NR3C1: variants seen among roughly 807,000 people sequenced by gnomAD.
The protein encoded by NR3C1 is nuclear receptor subfamily 3 group C member 1, also known as glucocorticoid receptor.
In NR3C1, 14 loss-of-function variants were observed where a neutral mutation model predicts 74.0. The observed-to-expected ratio is 0.19, with a 90% CI of 0.12 to 0.30. NR3C1 has a LOEUF of 0.30. Among genes scored for constraint, NR3C1 ranks in the 10% least tolerant of loss-of-function variants. The pLI, the probability that NR3C1 is intolerant of heterozygous loss-of-function variation, is 1.00. For synonymous variants in NR3C1, 308 were observed against 332.5 expected, an observed-to-expected ratio of 0.93 and a Z score of 0.80; for missense variants, 695 against 909.8, an observed-to-expected ratio of 0.76 and a Z score of 3.04.
At chr5:143,292,445 T>C (rs1816147388) in intron 7 of NR3C1, among the ~76,000 whole-genome samples, 1 of 152,100 alleles carries the variant, frequency 6.6e-6, no homozygotes, top group African/African-American at 2.4e-5. Context: ...TATTTGCCTT[T>C]CCCCCAGGTC....
intron 1 of NR3C1, among the ~76,000 whole-genome samples, chr5:143,426,775 G>A (rs922548043): frequency 6.6e-6 from 1 of 152,228 alleles, no homozygotes; most frequent in Non-Finnish European, 1.5e-5. Flanking sequence ...TTTGAAATAT[G>A]TACGAATTCT....
At chr5:143,401,453 T>G (rs1179659649) in intron 1 of NR3C1, 2 of 156,660 alleles carry the variant, frequency 1.3e-5, no homozygotes, top group African/African-American at 2.4e-5. Context: ...GCTGATCTGC[T>G]TATCTTCCGA....
intron 7 of NR3C1, among the ~76,000 whole-genome samples, chr5:143,285,672 CATCATGATTAAATAAGGT>C (rs1036397279): frequency 1.3e-5 from 2 of 151,974 alleles, no homozygotes; most frequent in Admixed American, 1.3e-4. Flanking sequence ...TTAAATAAGG[CATCATGATTAAATAAGGT>C]ATCATAAAAT....
chr5:143,351,661 A>C (rs1830247441), intron 2 of NR3C1, among the ~76,000 whole-genome samples: 1 of 152,182 alleles, frequency 6.6e-6, no homozygotes, highest in African/African-American at 2.4e-5. Context: ...TTTGATCAAT[A>C]TTAATCTGTT....
At chr5:143,296,179 T>A (rs1817138250) in intron 6 of NR3C1, among the ~76,000 whole-genome samples, 1 of 152,190 alleles carries the variant, frequency 6.6e-6, no homozygotes. Context: ...ATTACATACC[T>A]ATGATTTTCA....
rs1812964209 is a variant in NR3C1, at chr5:143,280,746, A to AT, written c.*1142dup. On this transcript the variant is annotated 3_prime_UTR_variant, in exon 9 of 9. Transcript: ENST00000394464. ...GGAATGTGAAAATGGGTGTCTAGCC[A>AT]TTTTTGCCATATTAGAGATTTAGTT... 2.0e-5 allele frequency: 3 copies of AT among 152,476 alleles called. 1 individual carries two copies. The South Asian group carries it at 6.2e-4, about 32-fold the overall frequency. The allele number at this position is 152,476 out of a possible 1,614,324, so 9.4% of individuals were successfully genotyped here. A position where few individuals can be genotyped will look rare whatever the true frequency, so the allele number is the denominator to read the frequency against.
At chr5:143,370,205 A>T (rs1443172930) in intron 2 of NR3C1, among the ~76,000 whole-genome samples, 1 of 152,180 alleles carries the variant, frequency 6.6e-6, no homozygotes, top group East Asian at 1.9e-4. Context: ...AAGATTCTCA[A>T]GTAGCTCAGA....
chr5:143,302,489 C>G (rs1818701582), intron 4 of NR3C1, among the ~76,000 whole-genome samples: 1 of 151,988 alleles, frequency 6.6e-6, no homozygotes, highest in Admixed American at 6.6e-5. Context: ...AATCAATACA[C>G]TGAAACAGTA....
chr5:143,343,291 G>A (rs1369217695), intron 2 of NR3C1, among the ~76,000 whole-genome samples: 2 of 152,184 alleles, frequency 1.3e-5, no homozygotes, highest in African/African-American at 4.8e-5. Context: ...CAGCTTCCCT[G>A]GGTTTCGGCT....
chr5:143,423,677 C>T (rs1418991106), intron 1 of NR3C1, among the ~76,000 whole-genome samples: 1 of 152,170 alleles, frequency 6.6e-6, no homozygotes, highest in African/African-American at 2.4e-5. Context: ...TACCGCAGCA[C>T]TATTCACAAT....
At chr5:143,394,229 T>C (rs967419789) in intron 2 of NR3C1, among the ~76,000 whole-genome samples, 3 of 152,046 alleles carry the variant, frequency 2.0e-5, no homozygotes, top group Non-Finnish European at 2.9e-5. Context: ...GCAGCTCTAT[T>C]GGGATGTAAT....
intron 1 of NR3C1, among the ~76,000 whole-genome samples, chr5:143,411,930 G>A (rs963752146): frequency 4.6e-5 from 7 of 152,070 alleles, no homozygotes; most frequent in African/African-American, 1.7e-4. Context: ...AGTTTGTATT[G>A]GTTGCAATGG....
chr5:143,412,140 A>G (rs1345573246), intron 1 of NR3C1, among the ~76,000 whole-genome samples: 3 of 152,018 alleles, frequency 2.0e-5, no homozygotes, highest in Non-Finnish European at 4.4e-5. Context: ...AAAAGGAGTC[A>G]GGGAGGGTTG....
At chr5:143,351,958 G>C (rs1266526809) in intron 2 of NR3C1, among the ~76,000 whole-genome samples, 6 of 152,184 alleles carry the variant, frequency 3.9e-5, no homozygotes, top group South Asian at 2.1e-4. Flanking sequence ...ACAGATGAGA[G>C]AGACCTATAA....
At chr5:143,361,623 G>A (rs1054877859) in intron 2 of NR3C1, among the ~76,000 whole-genome samples, 5 of 152,188 alleles carry the variant, frequency 3.3e-5, no homozygotes, top group Non-Finnish European at 7.3e-5. Flanking sequence ...CTGCCTTATA[G>A]ATAAAGATCG....
At chr5:143,413,695 A>G (rs560915519) in intron 1 of NR3C1, among the ~76,000 whole-genome samples, 4 of 152,194 alleles carry the variant, frequency 2.6e-5, no homozygotes, top group Non-Finnish European at 5.9e-5. Flanking sequence ...TGTTCCTGGG[A>G]GGGGTTTCAC....
At chr5:143,317,902 T>C (rs1017798635) in intron 2 of NR3C1, among the ~76,000 whole-genome samples, 23 of 152,146 alleles carry the variant, frequency 1.5e-4, no homozygotes, top group Non-Finnish European at 3.1e-4. Context: ...GAATATTTTG[T>C]AGCCGCCTCT....
At chr5:143,346,793 T>C (rs1321806286) in intron 2 of NR3C1, among the ~76,000 whole-genome samples, 2 of 152,212 alleles carry the variant, frequency 1.3e-5, no homozygotes, top group South Asian at 2.1e-4. Context: ...ACTAAAAACG[T>C]AGCATGCCAT....
rs977975427 is a variant in NR3C1 at position 143,294,429 on chromosome 5, A to C, written c.2023+1031T>G. The C allele has an allele frequency of 6.6e-6, 4 of 601,650 alleles. No homozygotes were observed. The African/African-American group carries it at 7.9e-5, about 12-fold the overall frequency. 37.3% of individuals were successfully genotyped at this position (601,650 alleles called of 1,614,324 possible). On this transcript the variant is annotated intron_variant, in intron 7 of 8. Transcript: ENST00000394464. The stretch of plus-strand genomic sequence containing the variant: ...AAAAGACTTTTTTTAGAGCAGTTTT[A>C]AGTTCACAGCAAAATTGGGAGGAAG...
Sources: gnomAD v4.1 joint callset for allele counts (sites outside exome capture counted in the v4.1 genomes callset) on GRCh38, gnomAD v4.1.1 for gene constraint, MANE v1.5 for transcripts, NCBI Gene and HGNC (gene_info 2026-07-23, HGNC 2026-07-21) for gene names.